Variants in MYH9 observed in about 807,000 individuals in gnomAD.
MYH9 encodes myosin-9.
A neutral mutation model predicts 241.9 loss-of-function variants in MYH9; 29 were observed. The ratio of observed to expected loss-of-function variants is 0.12; its 90% confidence interval spans 0.09 to 0.16. MYH9 has a LOEUF of 0.16. Ranked by LOEUF, MYH9 falls within the 10% of genes least tolerant of loss-of-function variation. MYH9 has a pLI of 1.00. For synonymous variants in MYH9, 1,047 were observed against 1,062.6 expected (o/e 0.99, Z 0.29); for missense variants, 1,803 against 2,595.5 (o/e 0.69, Z 6.63).
At chr22:36,301,126 A>G (rs911598656) in intron 21 of MYH9, 69 bp from the exon 22 acceptor site, 1 of 1,475,078 alleles carries the variant, frequency 6.8e-7, no homozygotes, top group African/African-American at 1.4e-5. Flanking sequence ...TCAAGGACGG[A>G]CGCCATGGCT....
intron 24 of MYH9, chr22:36,297,268 G>C (rs2016803421): frequency 1.9e-6 from 1 of 535,276 alleles, no homozygotes; most frequent in Non-Finnish European, 3.3e-6. Context: ...CCTAAAGCTG[G>C]TGTTTGTAAT....
Position 36,330,746 on chromosome 22 carries a change from G to A in MYH9, c.491-3258C>T, listed in dbSNP as rs568743670. Among the ~76,000 whole-genome samples, 10 of 152,074 alleles carry A rather than the reference G, an allele frequency of 6.6e-5. No individual in the cohort carries two copies. In the South Asian group the frequency reaches 1.7e-3, roughly 25 times the overall value. ...AGTCCGGCCCAATCTGCTTGTTTTGGCTCGAGTCCTTATTTGGCCTGTAAG... is the reference window on the plus strand; with the variant it reads ...AGTCCGGCCCAATCTGCTTGTTTTGACTCGAGTCCTTATTTGGCCTGTAAG... On this transcript the variant is annotated intron_variant, in intron 3 of 40. Coordinates refer to ENST00000216181, the MANE Select transcript of MYH9 (RefSeq NM_002473.6). This position sits in a 1 kb window ranked among gnomAD's most constrained non-coding sequence, Gnocchi z 4.5.
intron 7 of MYH9, 109 bp from the exon 8 acceptor site, chr22:36,321,005 T>G: frequency 1.2e-6 from 1 of 819,908 alleles, no homozygotes; most frequent in South Asian, 1.4e-5. Flanking sequence ...CAGGTTGGAG[T>G]GCAGTGGCAT....
intron 1 of MYH9, among the ~76,000 whole-genome samples, chr22:36,362,026 G>A (rs1182378206): frequency 6.6e-6 from 1 of 152,112 alleles, no homozygotes; most frequent in African/African-American, 2.4e-5. Context: ...CCGAAATTGC[G>A]CCACTGTACT....
intron 11 of MYH9, among the ~76,000 whole-genome samples, chr22:36,317,126 G>GCAGTC (rs1569535823): frequency 3.3e-5 from 5 of 152,042 alleles, no homozygotes; most frequent in South Asian, 2.1e-4. Flanking sequence ...AAATAAGGCA[G>GCAGTC]TGGGCAGAGG....
Position 36,304,884 on chromosome 22 carries a change from G to A in MYH9, c.2229+149C>T, listed in dbSNP as rs898140968. Reference sequence around the variant, plus strand: ...AGGCCTAGGGGCTACTGCAAAGGGCGCCCGGCAGAGTCAGACGCGGAGCAT... The same window carrying A: ...AGGCCTAGGGGCTACTGCAAAGGGCACCCGGCAGAGTCAGACGCGGAGCAT... On this transcript the variant is annotated intron_variant, in intron 18 of 40. Transcript: ENST00000216181. 5.5e-5 allele frequency: 43 copies of A among 784,300 alleles called. No individual in the cohort carries two copies. In the African/African-American group the frequency reaches 5.9e-4, roughly 11 times the overall value. 48.6% of individuals were successfully genotyped at this position (784,300 alleles called of 1,614,324 possible).
intron 19 of MYH9, among the ~76,000 whole-genome samples, chr22:36,303,063 T>C (rs774045262): frequency 6.6e-6 from 1 of 152,196 alleles, no homozygotes; most frequent in Non-Finnish European, 1.5e-5. Context: ...TGCTGTTCCC[T>C]ATCTGAGCTT....
intron 19 of MYH9, among the ~76,000 whole-genome samples, chr22:36,303,053 T>C (rs73165599): frequency 0.041 from 6,245 of 152,254 alleles, 149 homozygotes; most frequent in East Asian, 0.096. Flanking sequence ...CCACCCTTCG[T>C]GCTGTTCCCT....
chr22:36,322,655 G>T, intron 5 of MYH9, 134 bp from the exon 6 acceptor site: 2 of 830,190 alleles, frequency 2.4e-6, no homozygotes, highest in Non-Finnish European at 2.0e-6. Context: ...TTCCGGGTGG[G>T]CTCCAGTGTG....
At chr22:36,354,084 T>C (rs2017814240) in intron 1 of MYH9, among the ~76,000 whole-genome samples, 1 of 152,128 alleles carries the variant, frequency 6.6e-6, no homozygotes, top group Admixed American at 6.5e-5. Context: ...GTATTTTTAG[T>C]AGAGACGGGG....
chr22:36,291,179 T>TA (rs2016694070), intron 31 of MYH9, among the ~76,000 whole-genome samples: 1 of 151,884 alleles, frequency 6.6e-6, no homozygotes, highest in Non-Finnish European at 1.5e-5. Context: ...CTGGGAGGTG[T>TA]ACCCAACAGC....
At chr22:36,349,703 T>C (rs1358442958) in intron 1 of MYH9, among the ~76,000 whole-genome samples, 2 of 152,212 alleles carry the variant, frequency 1.3e-5, no homozygotes, top group Non-Finnish European at 2.9e-5. Context: ...CACTCCAGCC[T>C]GGGCAACAGA....
intron 14 of MYH9, among the ~76,000 whole-genome samples, chr22:36,310,742 T>A (rs1406869972): frequency 6.6e-6 from 1 of 151,920 alleles, no homozygotes; most frequent in Non-Finnish European, 1.5e-5. Context: ...GTTGATGCCA[T>A]CGTGCAGGCC....
chr22:36,285,569 G>C lies in MYH9; in HGVS notation c.5274+89C>G, dbSNP rs2016565142. Reference sequence around the variant, plus strand: ...AGCGCCTGGGGAGCAGCTGGCACTTGGCCTGTGCTTCTGCCGGCTGGGTCC... The same window carrying C: ...AGCGCCTGGGGAGCAGCTGGCACTTCGCCTGTGCTTCTGCCGGCTGGGTCC... On this transcript the variant is annotated intron_variant, in intron 37 of 40. Transcript: ENST00000216181. The surrounding 1 kb of genome is among the most constrained non-coding windows in gnomAD (Gnocchi z 7.0). 6.3e-7 allele frequency: 1 copy of C among 1,584,386 alleles called. No individual in the cohort carries two copies. The highest frequency in any genetic ancestry group is 8.6e-7 in the Non-Finnish European group (1 of 1,166,914).
In MYH9 at chr22:36,313,911, G is replaced by A. The variant is rs572691247; in HGVS notation, c.1554+234C>T. On this transcript the variant is annotated intron_variant, in intron 13 of 40. Transcript: ENST00000216181. The stretch of plus-strand genomic sequence containing the variant: ...CGCCACATATGCACCTGGTCCGGCA[G>A]CTGGGAAAAGCCCAGCCCACAGCTG... Among the ~76,000 whole-genome samples the A allele has an allele frequency of 1.1e-4, 17 of 152,316 alleles. No individual in the cohort carries two copies. In the South Asian group the frequency reaches 3.3e-3, roughly 30 times the overall value.
At chr22:36,301,781 C>G (rs1043809546) in intron 20 of MYH9, 116 bp from the exon 21 acceptor site, 1 of 1,416,616 alleles carries the variant, frequency 7.1e-7, no homozygotes, top group African/African-American at 1.4e-5. Flanking sequence ...CAAGAAGACA[C>G]GCTGTGGTGG....
At chr22:36,294,891 G>A (rs983044897) in intron 27 of MYH9, 41 bp downstream of exon 27, 2 of 1,605,858 alleles carry the variant, frequency 1.2e-6, no homozygotes, top group African/African-American at 1.3e-5. Flanking sequence ...CCAGCACGGG[G>A]AACCCTGCCC....
At position 36,293,626 on chromosome 22, in the gene MYH9, CAGAG is replaced by C; in HGVS notation, c.3942+129_3942+132del. On this transcript the variant is annotated intron_variant, in intron 29 of 40. Coordinates refer to ENST00000216181, the MANE Select transcript of MYH9 (RefSeq NM_002473.6). This position sits in a 1 kb window ranked among gnomAD's most constrained non-coding sequence, Gnocchi z 5.1. ...AGACCTGGAGGGAGCTGGGAGGACG[CAGAG>C]ACCCACCCACAGGATGAAGCAGATG... is the stretch of plus-strand genomic sequence containing the variant. The C allele has an allele frequency of 7.4e-7, 1 of 1,345,040 alleles. No individual in the cohort carries two copies. The highest frequency in any genetic ancestry group is 1.0e-6 in the Non-Finnish European group (1 of 953,320). 83.3% of individuals were successfully genotyped at this position (1,345,040 alleles called of 1,614,324 possible).
intron 2 of MYH9, among the ~76,000 whole-genome samples, chr22:36,347,112 T>A (rs1045938464): frequency 6.6e-6 from 1 of 152,192 alleles, no homozygotes; most frequent in Non-Finnish European, 1.5e-5. Context: ...GGGGTTGATA[T>A]TGGACAGGAC....
Sources: gnomAD v4.1 joint callset for allele counts (sites outside exome capture counted in the v4.1 genomes callset) on GRCh38, gnomAD v4.1.1 for gene constraint, Gnocchi (gnomAD v3.1) non-coding constraint, MANE v1.5 for transcripts, NCBI Gene and HGNC (gene_info 2026-07-23, HGNC 2026-07-21) for gene names.